CCDC196: variants seen among roughly 807,000 people sequenced by gnomAD.
CCDC196 encodes the protein coiled-coil domain-containing protein 196.
intron 4 of CCDC196, among the ~76,000 whole-genome samples, chr14:66,489,970 G>T (rs2057498581): frequency 6.6e-6 from 1 of 152,090 alleles, no homozygotes; most frequent in Non-Finnish European, 1.5e-5. Context: ...ACTGTGTCTT[G>T]TGATATAAAC....
chr14:66,488,806 A>T (rs2057468936), intron 3 of CCDC196, among the ~76,000 whole-genome samples, 181 bp from the exon 4 acceptor site: 1 of 152,006 alleles, frequency 6.6e-6, no homozygotes, highest in South Asian at 2.1e-4. Flanking sequence ...TTTTACCATC[A>T]TCATCATCAA....
intron 8 of CCDC196, chr14:66,496,227 T>C: frequency 2.2e-6 from 1 of 456,170 alleles, no homozygotes; most frequent in Non-Finnish European, 4.4e-6. Context: ...CAGGCTTTTC[T>C]GTTCTAAGCA....
At position 66,490,836 on chromosome 14, in the gene CCDC196, T is replaced by G. The variant is rs142167505; in HGVS notation, c.429+17T>G. ...GATGGAAAGGCAAGTGGACTGCATG[T>G]ACTTAAAATTTCAAGATTGTCGATG... On this transcript the variant is annotated intron_variant, in intron 5 of 9. Coordinates refer to ENST00000636229, the MANE Select transcript of CCDC196 (RefSeq NM_001351576.1). The G allele has an allele frequency of 1.5e-5, 6 of 400,672 alleles. No homozygotes were observed. The highest frequency in any genetic ancestry group is 2.2e-5 in the Non-Finnish European group (5 of 226,116). The allele number at this position is 400,672 out of a possible 1,614,324, so 24.8% of individuals were successfully genotyped here.
intron 3 of CCDC196, among the ~76,000 whole-genome samples, chr14:66,488,469 G>GA (rs1274401905): frequency 3.3e-5 from 5 of 152,046 alleles, no homozygotes; most frequent in African/African-American, 1.2e-4. Flanking sequence ...TCTATTCTTT[G>GA]ACTTTTAAAA....
chr14:66,494,603 C>G (rs1278231481), intron 8 of CCDC196: 1 of 152,020 alleles, frequency 6.6e-6, no homozygotes, highest in Non-Finnish European at 1.5e-5. Flanking sequence ...AATGAAGAAT[C>G]AATAGAGTTT....
At chr14:66,492,250 TGGAGA>T (rs926512150) in intron 8 of CCDC196, 56 bp downstream of exon 8, 15 of 412,446 alleles carry the variant, frequency 3.6e-5, no homozygotes, top group Non-Finnish European at 4.4e-6. Context: ...TATTTTATAT[TGGAGA>T]CCTTTACTTG....
intron 8 of CCDC196, 43 bp from the exon 9 acceptor site, chr14:66,498,063 TTTC>T (rs1305352731): frequency 3.2e-5 from 13 of 410,832 alleles, no homozygotes; most frequent in Non-Finnish European, 4.9e-5. Flanking sequence ...TTTTTTTTTT[TTTC>T]CCCCTCAAAA....
rs575873783 is a variant in CCDC196 at position 66,495,348 on chromosome 14, AAAC to A, written c.716-2756_716-2754del. The stretch of plus-strand genomic sequence containing the variant: ...ATTTAATTTCAGGTTTTAAAAATAC[AAAC>A]AACATTAACATGGAGCATGCTGAGA... On this transcript the variant is annotated intron_variant, in intron 8 of 9. Transcript: ENST00000636229. Among the ~76,000 whole-genome samples the A allele has an allele frequency of 2.1e-4, 32 of 152,306 alleles. No individual in the cohort carries two copies. The East Asian group carries it at 5.4e-3, about 26-fold the overall frequency.
At chr14:66,492,329 T>G (rs2057559069) in intron 8 of CCDC196, 135 bp downstream of exon 8, 1 of 368,590 alleles carries the variant, frequency 2.7e-6, no homozygotes, top group Non-Finnish European at 4.6e-6. Flanking sequence ...GTAATTAATT[T>G]TTTCATTATC....
chr14:66,486,389 C>G lies in CCDC196; in HGVS notation c.-114C>G, dbSNP rs540841708. On this transcript the variant is annotated 5_prime_UTR_variant, in exon 1 of 10. Transcript: ENST00000636229. ...TGACCTCGCTGTAGCTAAGATCAGT[C>G]CACTGCAGCAGGAGTTTCAAGAACA... 2 of 397,486 alleles carry G rather than the reference C, an allele frequency of 5.0e-6. No homozygotes were observed. The highest frequency in any genetic ancestry group is 7.1e-5 in the East Asian group (2 of 28,054). 24.6% of individuals were successfully genotyped at this position (397,486 alleles called of 1,614,324 possible).
chr14:66,488,388 C>A (rs2057458574), intron 3 of CCDC196, 132 bp downstream of exon 3: 1 of 395,092 alleles, frequency 2.5e-6, no homozygotes, highest in Admixed American at 4.4e-5. Context: ...TCTCCTTGAT[C>A]TAGAAAGTCC....
At chr14:66,497,992 T>A in intron 8 of CCDC196, 117 bp from the exon 9 acceptor site, 1 of 396,194 alleles carries the variant, frequency 2.5e-6, no homozygotes. Flanking sequence ...AAAAAAAAAA[T>A]CAGAAAATTC....
chr14:66,495,884 T>A (rs949746601), intron 8 of CCDC196: 2 of 170,988 alleles, frequency 1.2e-5, no homozygotes, highest in African/African-American at 4.8e-5. Context: ...CATGTTAAAC[T>A]CAGTGTTCTG....
chr14:66,495,180 T>C (rs2057633655), intron 8 of CCDC196, among the ~76,000 whole-genome samples: 1 of 152,170 alleles, frequency 6.6e-6, no homozygotes, highest in African/African-American at 2.4e-5. Context: ...CACCGAAATT[T>C]ATCCCAATTG....
intron 2 of CCDC196, among the ~76,000 whole-genome samples, chr14:66,487,227 C>T (rs2057425225): frequency 6.6e-6 from 1 of 152,138 alleles, no homozygotes; most frequent in Non-Finnish European, 1.5e-5. Context: ...TAGGGCACAG[C>T]CTCTCTAAAT....
In CCDC196 at chr14:66,491,022, C is replaced by T. The variant is rs2057522876; in HGVS notation, c.431C>T (p.Ala144Val). 1.7e-5 allele frequency: 7 copies of T among 413,414 alleles called. No individual in the cohort carries two copies. In the South Asian group the frequency reaches 5.1e-4, roughly 30 times the overall value. The allele number at this position is 413,414 out of a possible 1,614,324, so 25.6% of individuals were successfully genotyped here. ...TTTAGCTCTCTTCTTTCATCCCAGG[C>T]TCCCAAATCCCCCTCATCACCTAGG... is the stretch of plus-strand genomic sequence containing the variant. ...KNKADLQDGK[A>V]PKSPSSPRKT... The change falls in exon 6 of 10, where the codon GCT becomes GTT. Residue 144 changes from alanine (A) to valine (V), a missense_variant and splice_region_variant. Physicochemically the swap from Ala to Val is moderately conservative, Grantham distance 64. Transcript: ENST00000636229.
At chr14:66,495,012 C>T (rs147070524) in intron 8 of CCDC196, among the ~76,000 whole-genome samples, 22 of 146,994 alleles carry the variant, frequency 1.5e-4, no homozygotes, top group African/African-American at 5.3e-4. Context: ...GGTGACAGAG[C>T]GAGACTTCGT....
intron 8 of CCDC196, chr14:66,496,491 C>CCTG: frequency 2.5e-6 from 1 of 403,952 alleles, no homozygotes; most frequent in Non-Finnish European, 5.0e-6. Flanking sequence ...CTGTTTATAC[C>CCTG]TACGATGAAG....
chr14:66,496,623 G>A (rs1437463655), intron 8 of CCDC196: 5 of 266,972 alleles, frequency 1.9e-5, no homozygotes, highest in South Asian at 1.3e-4. Flanking sequence ...ATAGAGTCCA[G>A]AAGGCAAGTT....
Sources: gnomAD v4.1 joint callset for allele counts (sites outside exome capture counted in the v4.1 genomes callset) on GRCh38, gnomAD v4.1.1 for gene constraint, MANE v1.5 for transcripts, NCBI Gene and HGNC (gene_info 2026-07-23, HGNC 2026-07-21) for gene names.